PPP1R1C: variants seen among roughly 807,000 people sequenced by gnomAD.
PPP1R1C encodes the protein protein phosphatase 1 regulatory subunit 1C.
In PPP1R1C, 15 loss-of-function variants were observed where a neutral mutation model predicts 17.4. That is an observed-to-expected ratio of 0.86 (90% confidence interval 0.58 to 1.33). The LOEUF (loss-of-function observed/expected upper bound fraction) is 1.33, where lower values mean the gene tolerates loss of function less well. Ranked by LOEUF, PPP1R1C falls within the 40% of genes most tolerant of loss-of-function variation. PPP1R1C has a pLI of 0.00. For missense variants in PPP1R1C, 143 were observed against 130.0 expected (o/e 1.10, Z -0.48); for synonymous variants, 35 against 43.1 (o/e 0.81, Z 0.73).
intron 3 of PPP1R1C, among the ~76,000 whole-genome samples, chr2:182,061,685 G>A (rs1354480382): frequency 6.6e-6 from 1 of 152,022 alleles, no homozygotes; most frequent in African/African-American, 2.4e-5. Flanking sequence ...GCTAACCCCT[G>A]AAAAAACTTT....
chr2:181,971,837 G>C (rs1482803892), intron 1 of PPP1R1C, among the ~76,000 whole-genome samples: 1 of 152,132 alleles, frequency 6.6e-6, no homozygotes, highest in East Asian at 1.9e-4. Flanking sequence ...GCTTTCTGTT[G>C]TGCCAGGGCA....
intron 2 of PPP1R1C, among the ~76,000 whole-genome samples, chr2:182,026,790 T>C (rs1356297735): frequency 1.3e-5 from 2 of 151,078 alleles, no homozygotes; most frequent in African/African-American, 4.9e-5. Flanking sequence ...AATCTGTAAA[T>C]TACCTTGGGC....
At chr2:182,079,710 A>G (rs751816520) in intron 4 of PPP1R1C, among the ~76,000 whole-genome samples, 60 of 152,196 alleles carry the variant, frequency 3.9e-4, no homozygotes, top group Non-Finnish European at 7.1e-4. Context: ...GTGAAGCTAG[A>G]TGTCTAAAAA....
At chr2:182,038,874 G>A (rs1214734839) in intron 2 of PPP1R1C, among the ~76,000 whole-genome samples, 9 of 152,146 alleles carry the variant, frequency 5.9e-5, no homozygotes, top group Non-Finnish European at 1.2e-4. Flanking sequence ...CTCCAGGCAG[G>A]TAGATTTTAG....
intron 2 of PPP1R1C, among the ~76,000 whole-genome samples, chr2:182,054,652 A>AGT (rs112893216): frequency 2.3e-3 from 343 of 149,982 alleles, no homozygotes; most frequent in African/African-American, 6.0e-3. Context: ...TGTGTGTGTA[A>AGT]GTGTGTGTGT....
intron 2 of PPP1R1C, among the ~76,000 whole-genome samples, chr2:182,060,237 A>G (rs577016001): frequency 5.7e-4 from 87 of 152,254 alleles, no homozygotes; most frequent in African/African-American, 2.0e-3. Flanking sequence ...ATTAGAATAA[A>G]CAATGGTTCC....
chr2:181,964,023 C>A (rs963464295), intron 1 of PPP1R1C, among the ~76,000 whole-genome samples: 5 of 151,876 alleles, frequency 3.3e-5, no homozygotes, highest in Non-Finnish European at 5.9e-5. Flanking sequence ...ACTGTATTCA[C>A]CCTGTTGTGC....
intron 5 of PPP1R1C, among the ~76,000 whole-genome samples, chr2:182,124,328 T>TTTTTTTTTTTTTTTTTTTTTTTTTTTG (rs1689817983): frequency 3.6e-5 from 2 of 55,598 alleles, no homozygotes; most frequent in Non-Finnish European, 9.7e-5. Context: ...TTTTTTTTTG[T>TTTTTTTTTTTTTTTTTTTTTTTTTTTG]TTTTTTTTTT....
intron 1 of PPP1R1C, among the ~76,000 whole-genome samples, chr2:181,971,827 G>T (rs1004881453): frequency 6.6e-6 from 1 of 152,126 alleles, no homozygotes; most frequent in Admixed American, 6.5e-5. Flanking sequence ...GCCTGATGTT[G>T]CTTTCTGTTG....
intron 2 of PPP1R1C, among the ~76,000 whole-genome samples, chr2:182,004,130 C>T (rs1685847844): frequency 6.6e-6 from 1 of 152,114 alleles, no homozygotes; most frequent in Non-Finnish European, 1.5e-5. Context: ...TTTAAAAGAT[C>T]TCAGAAAAAG....
rs373784354 is a variant in PPP1R1C at position 182,089,542 on chromosome 2, T to A, written c.241+25751T>A. Among the ~76,000 whole-genome samples the A allele has an allele frequency of 8.3e-4, 126 of 152,348 alleles. 1 individual carries two copies. The highest frequency in any genetic ancestry group is 2.9e-3 in the African/African-American group (119 of 41,592). On this transcript the variant is annotated intron_variant, in intron 4 of 4. Transcript: ENST00000682840. ...CATGTATATCTTCAATAATCATAAT[T>A]GTTTATGGATTGTGTATTTTGTCTC...
rs555685020 is a variant in PPP1R1C at position 181,970,604 on chromosome 2, G to A, written n.112-4615G>A. 5.3e-5 allele frequency among the ~76,000 whole-genome samples: 8 copies of A among 152,258 alleles called. No individual in the cohort carries two copies. In the East Asian group the frequency reaches 1.5e-3, roughly 29 times the overall value. On this transcript the variant is annotated intron_variant and non_coding_transcript_variant, in intron 1 of 5. Coordinates refer to the PPP1R1C transcript ENST00000464264. ...CACCTATGTTTGCTCAAGGGCCTAG[G>A]TCTCTACAATCAGCAGGTGGCAAAG...
intron 4 of PPP1R1C, among the ~76,000 whole-genome samples, chr2:182,072,099 C>T (rs1688157317): frequency 6.6e-6 from 1 of 152,094 alleles, no homozygotes; most frequent in Non-Finnish European, 1.5e-5. Flanking sequence ...GTGTGTACAC[C>T]ACGTCCATTA....
chr2:181,977,307 A>G (rs1218376720), intron 2 of PPP1R1C, among the ~76,000 whole-genome samples: 1 of 151,966 alleles, frequency 6.6e-6, no homozygotes, highest in Non-Finnish European at 1.5e-5. Context: ...CATGTTTCCT[A>G]AAGAAACTCT....
In PPP1R1C at chr2:181,988,001, C is replaced by A. The variant is rs913137109; in HGVS notation, c.142+102C>A. On this transcript the variant is annotated intron_variant, in intron 2 of 4. Transcript: ENST00000682840. The stretch of plus-strand genomic sequence containing the variant: ...TGAAAAGTTTCAATTTAGGATTTCA[C>A]AGTTAGCAATACTCTAGAAAGCTAA... The A allele has an allele frequency of 9.2e-5, 82 of 889,982 alleles. 1 individual carries two copies. Among genetic ancestry groups the A allele is most frequent in the Non-Finnish European group, 1.2e-4 (69 of 573,210 alleles). 55.1% of individuals were successfully genotyped at this position (889,982 alleles called of 1,614,324 possible).
chr2:182,096,828 A>T (rs1234536818), intron 4 of PPP1R1C, among the ~76,000 whole-genome samples: 1 of 152,132 alleles, frequency 6.6e-6, no homozygotes, highest in Non-Finnish European at 1.5e-5. Flanking sequence ...AAATCATGCA[A>T]GTTGTTCTGA....
chr2:181,954,595 A>G (rs1380212478), exon 1 of PPP1R1C: 1 of 152,306 alleles, frequency 6.6e-6, no homozygotes, highest in African/African-American at 2.4e-5. Context: ...ATATCTGATC[A>G]AGAGTTAAGA....
Position 182,052,529 on chromosome 2 carries a change from C to T in PPP1R1C, c.143-8913C>T, listed in dbSNP as rs546658540. 5.9e-5 allele frequency among the ~76,000 whole-genome samples: 9 copies of T among 152,210 alleles called. No homozygotes were observed. The East Asian group carries it at 7.7e-4, about 13-fold the overall frequency. On this transcript the variant is annotated intron_variant, in intron 2 of 4. Coordinates refer to ENST00000682840, the MANE Select transcript of PPP1R1C (RefSeq NM_001080545.3). ...AATGGTAGTTTTGTGAAATTTAATT[C>T]GATTTCGGTGAATTCTACCTAACTA...
At chr2:182,068,330 G>A (rs543714618) in intron 4 of PPP1R1C, among the ~76,000 whole-genome samples, 2 of 152,310 alleles carry the variant, frequency 1.3e-5, no homozygotes, top group African/African-American at 4.8e-5. Flanking sequence ...ACCCTGAATT[G>A]AGAGTGGCGA....
Sources: gnomAD v4.1 joint callset for allele counts (sites outside exome capture counted in the v4.1 genomes callset) on GRCh38, gnomAD v4.1.1 for gene constraint, MANE v1.5 for transcripts, NCBI Gene and HGNC (gene_info 2026-07-23, HGNC 2026-07-21) for gene names.